Variants in ZSCAN31 observed in about 807,000 individuals in gnomAD.
ZSCAN31 encodes the protein zinc finger and SCAN domain-containing protein 31.
Under a neutral mutation model 22.5 loss-of-function variants are expected in ZSCAN31, and 14 were observed. That is an observed-to-expected ratio of 0.62 (90% CI 0.41 to 0.97). The LOEUF (loss-of-function observed/expected upper bound fraction) is 0.97. ZSCAN31 is among the 50% of genes least tolerant of loss of function. ZSCAN31 has a pLI of 0.00. For missense variants in ZSCAN31, 424 were observed against 483.4 expected, an observed-to-expected ratio of 0.88 and a Z score of 1.15; for synonymous variants, 168 against 169.8, an observed-to-expected ratio of 0.99 and a Z score of 0.08.
intron 1 of ZSCAN31, among the ~76,000 whole-genome samples, chr6:28,330,012 G>A (rs1763620380): frequency 6.6e-6 from 1 of 152,072 alleles, no homozygotes; most frequent in Admixed American, 6.5e-5. Context: ...CCCTTCCATT[G>A]TGACACTGGA....
At position 28,333,413 on chromosome 6, in the gene ZSCAN31, G is replaced by C. The variant is rs2113820185; in HGVS notation, c.-96+2669C>G. ...GACGGGACCAGGCCCTGTTTTGCTG[G>C]AGCAAACATTTTAACGGGGAAGACA... On this transcript the variant is annotated intron_variant, in intron 1 of 3. Transcript: ENST00000344279. The surrounding 1 kb of genome is among the most constrained non-coding windows in gnomAD (Gnocchi z 4.1). Among the ~76,000 whole-genome samples the C allele has an allele frequency of 6.6e-6, 1 of 152,256 alleles. No individual in the cohort carries two copies. The highest frequency in any genetic ancestry group is 2.1e-4 in the South Asian group (1 of 4,822).
In ZSCAN31 at chr6:28,328,062, G is replaced by A. The variant is rs868679383; in HGVS notation, c.382-529C>T. Among the ~76,000 whole-genome samples, 5 of 152,348 alleles carry A rather than the reference G, an allele frequency of 3.3e-5. No homozygotes were observed. In the South Asian group the frequency reaches 8.3e-4, roughly 25 times the overall value. ...TTATTAGGGATTTTCAAAAGGGGAG[G>A]AAGTGTGCGAATAGGTGTGGGACAC... On this transcript the variant is annotated intron_variant, in intron 2 of 3. Coordinates refer to ENST00000344279, the MANE Select transcript of ZSCAN31 (RefSeq NM_030899.5).
chr6:28,329,218 A>G (rs1763549396), intron 2 of ZSCAN31, 85 bp downstream of exon 2: 1 of 1,469,232 alleles, frequency 6.8e-7, no homozygotes, highest in African/African-American at 1.4e-5. Flanking sequence ...ACTAATACAT[A>G]TAGCTATAGC....
At chr6:28,334,815 A>G (rs1764015676) in intron 1 of ZSCAN31, among the ~76,000 whole-genome samples, 1 of 152,194 alleles carries the variant, frequency 6.6e-6, no homozygotes, top group Non-Finnish European at 1.5e-5. Context: ...TTAAACATGA[A>G]CTAGGTGTTA....
intron 2 of ZSCAN31, among the ~76,000 whole-genome samples, chr6:28,343,036 T>C (rs982199828): frequency 4.6e-5 from 7 of 152,192 alleles, no homozygotes; most frequent in African/African-American, 1.4e-4. Context: ...CAGAGTGTCA[T>C]TGTGGCCCCC....
intron 2 of ZSCAN31, among the ~76,000 whole-genome samples, chr6:28,345,258 A>T (rs1295387819): frequency 1.3e-5 from 2 of 152,156 alleles, no homozygotes; most frequent in Non-Finnish European, 2.9e-5. Flanking sequence ...AGTGGGAAGA[A>T]AGTCCCTGTA....
intron 3 of ZSCAN31, among the ~76,000 whole-genome samples, chr6:28,341,476 G>A (rs1275749611): frequency 6.6e-6 from 1 of 152,144 alleles, no homozygotes; most frequent in East Asian, 1.9e-4. Flanking sequence ...CCATTCATGA[G>A]GGCAGAACTC....
At chr6:28,341,496 A>C (rs1764411305) in intron 3 of ZSCAN31, among the ~76,000 whole-genome samples, 2 of 152,126 alleles carry the variant, frequency 1.3e-5, no homozygotes, top group Admixed American at 1.3e-4. Context: ...CTCATTACCT[A>C]ATCACTCCCA....
rs1330797599 is a variant in ZSCAN31, at chr6:28,327,527, C to G, written c.388G>C (p.Asp130His). Residue 130 changes from aspartate to histidine, a missense_variant, in exon 3 of 4, where the codon GAC becomes CAC. Asp to His is a moderately conservative substitution (Grantham distance 81). Coordinates refer to ENST00000344279, the MANE Select transcript of ZSCAN31 (RefSeq NM_030899.5). ...ELSEPGNQAP[D>H]HEHGHSEVLL... is the part of the protein sequence containing the mutation. ...ACTTCAGAATGTCCATGTTCATGGT[C>G]TGGAGCCTGAAGGCAGGTAGGCATA... 1 of 1,612,858 alleles carries G rather than the reference C, an allele frequency of 6.2e-7. No individual in the cohort carries two copies. Among genetic ancestry groups the G allele is most frequent in the Admixed American group, 1.7e-5 (1 of 59,990 alleles).
At chr6:28,353,866 G>A (rs2113898999) in exon 2 of ZSCAN31, 1 of 456,902 alleles carries the variant, frequency 2.2e-6, no homozygotes, top group Admixed American at 2.3e-5. Context: ...ACTTACCACT[G>A]TCATGCCAAG....
In ZSCAN31 at chr6:28,326,203, T is replaced by C; in HGVS notation, c.1184A>G (p.Lys395Arg). The C allele has an allele frequency of 6.2e-7, 1 of 1,613,030 alleles. No homozygotes were observed. Among genetic ancestry groups the C allele is most frequent in the Non-Finnish European group, 8.5e-7 (1 of 1,179,212 alleles). The change falls in exon 4 of 4, where the codon AAG becomes AGG. Residue 395 changes from lysine to arginine, a missense_variant. Coordinates refer to ENST00000344279, the MANE Select transcript of ZSCAN31 (RefSeq NM_030899.5). ...TCCAGTGTGGATTTTCTGATGTTTCTTAAGAAGTGTCCGCTTACTAAAGAG... is the reference window on the plus strand; with the variant it reads ...TCCAGTGTGGATTTTCTGATGTTTCCTAAGAAGTGTCCGCTTACTAAAGAG... The part of the protein sequence containing the change: ...SKLFSKRTLL[K>R]KHQKIHTGER...
At chr6:28,335,949 G>T (rs996742863) in intron 1 of ZSCAN31, 133 bp downstream of exon 1, 2 of 152,330 alleles carry the variant, frequency 1.3e-5, no homozygotes, top group African/African-American at 2.4e-5. Flanking sequence ...CCTACTCCAC[G>T]GGGGCTTCAG....
At chr6:28,345,711 A>G (rs527908275) in intron 2 of ZSCAN31, among the ~76,000 whole-genome samples, 1 of 152,278 alleles carries the variant, frequency 6.6e-6, no homozygotes, top group South Asian at 2.1e-4. Context: ...ATAACTTTAC[A>G]TGGGTTCAAA....
chr6:28,342,926 A>G (rs1764473208), intron 2 of ZSCAN31, among the ~76,000 whole-genome samples: 1 of 152,226 alleles, frequency 6.6e-6, no homozygotes. Flanking sequence ...CAGTCAGGAC[A>G]TTTATTTAGT....
At position 28,326,146 on chromosome 6, in the gene ZSCAN31, C is replaced by A; in HGVS notation, c.*20G>T. 1 of 1,577,870 alleles carries A rather than the reference C, an allele frequency of 6.3e-7. No individual in the cohort carries two copies. ...ATAAGGTTGCAATGATGACTGAAGG[C>A]TTTCCCAAACTCATCACCCTTATGG... On this transcript the variant is annotated 3_prime_UTR_variant, in exon 4 of 4. Coordinates refer to ENST00000344279, the MANE Select transcript of ZSCAN31 (RefSeq NM_030899.5).
upstream of ZSCAN31, among the ~76,000 whole-genome samples, chr6:28,339,295 T>A (rs1764319412): frequency 6.6e-6 from 1 of 152,146 alleles, no homozygotes; most frequent in Non-Finnish European, 1.5e-5. Flanking sequence ...ATTCCATTAA[T>A]TTTTTTTGGC....
intron 1 of ZSCAN31, 120 bp from the exon 2 acceptor site, chr6:28,329,898 C>G (rs1763613137): frequency 1.9e-6 from 1 of 533,588 alleles, no homozygotes; most frequent in South Asian, 3.8e-5. Flanking sequence ...TATATAGTTA[C>G]TGACTTACAT....
upstream of ZSCAN31, among the ~76,000 whole-genome samples, chr6:28,340,832 T>C (rs949087888): frequency 5.3e-5 from 8 of 152,150 alleles, no homozygotes; most frequent in African/African-American, 1.9e-4. Flanking sequence ...TAATTCCTTC[T>C]TGTAGATCTG....
chr6:28,354,181 T>C (rs1765264961), exon 1 of ZSCAN31: 2 of 338,270 alleles, frequency 5.9e-6, no homozygotes, highest in Non-Finnish European at 1.2e-5. Flanking sequence ...TCAGCAGTTT[T>C]TCTCTCTCTC....
Sources: gnomAD v4.1 joint callset for allele counts (sites outside exome capture counted in the v4.1 genomes callset) on GRCh38, gnomAD v4.1.1 for gene constraint, Gnocchi (gnomAD v3.1) non-coding constraint, MANE v1.5 for transcripts, NCBI Gene and HGNC (gene_info 2026-07-23, HGNC 2026-07-21) for gene names.